Variants in ROBO2 observed in about 807,000 individuals in gnomAD.
ROBO2 encodes roundabout guidance receptor 2.
In ROBO2, 53 loss-of-function variants were observed where a neutral mutation model predicts 160.8. The ratio of observed to expected loss-of-function variants is 0.33; its 90% CI spans 0.26 to 0.41. The LOEUF is 0.41. Among genes scored for constraint, ROBO2 ranks in the 10% least tolerant of loss-of-function variants. ROBO2 has a pLI of 1.00. For missense variants in ROBO2, 1,577 were observed against 1,722.4 expected (o/e 0.92, Z 1.49); for synonymous variants, 664 against 611.7 (o/e 1.09, Z -1.26).
chr3:75,981,871 A>ATT (rs141629118), intron 2 of ROBO2, among the ~76,000 whole-genome samples: 4 of 149,452 alleles, frequency 2.7e-5, no homozygotes, highest in Admixed American at 7.2e-5. Flanking sequence ...TATTCATTCT[A>ATT]TTTTTTTTAC....
chr3:76,712,772 C>T (rs948060314), intron 2 of ROBO2, among the ~76,000 whole-genome samples: 5 of 152,102 alleles, frequency 3.3e-5, no homozygotes, highest in African/African-American at 7.2e-5. Flanking sequence ...AAATCATTTT[C>T]GCCAGCAAAC....
At chr3:76,865,646 A>C (rs2071291676) in intron 2 of ROBO2, among the ~76,000 whole-genome samples, 1 of 152,132 alleles carries the variant, frequency 6.6e-6, no homozygotes, top group Non-Finnish European at 1.5e-5. Flanking sequence ...ATTCCAGATT[A>C]CCAAATAAAT....
At chr3:77,199,555 A>T (rs2082620560) in intron 2 of ROBO2, among the ~76,000 whole-genome samples, 1 of 151,322 alleles carries the variant, frequency 6.6e-6, no homozygotes, top group Non-Finnish European at 1.5e-5. Context: ...TCTTTAGCTG[A>T]TTCATCTATT....
At chr3:76,024,492 G>C (rs1275015508) in intron 2 of ROBO2, among the ~76,000 whole-genome samples, 1 of 151,320 alleles carries the variant, frequency 6.6e-6, no homozygotes, top group Admixed American at 6.6e-5. Context: ...CAAATACTTA[G>C]TTTAGTGTTA....
At chr3:77,487,897 G>A (rs1024977418) in intron 4 of ROBO2, among the ~76,000 whole-genome samples, 2 of 152,120 alleles carry the variant, frequency 1.3e-5, no homozygotes, top group African/African-American at 2.4e-5. Flanking sequence ...CACAGTGATT[G>A]ACAATTTTAA....
intron 2 of ROBO2, among the ~76,000 whole-genome samples, chr3:76,709,732 A>G (rs572533627): frequency 6.6e-6 from 1 of 152,338 alleles, no homozygotes; most frequent in South Asian, 2.1e-4. Context: ...AGCCAGGGTA[A>G]TTAGTTTTCA....
intron 2 of ROBO2, among the ~76,000 whole-genome samples, chr3:76,413,174 C>T (rs2075584461): frequency 6.6e-6 from 1 of 152,202 alleles, no homozygotes; most frequent in South Asian, 2.1e-4. Flanking sequence ...GCACACAGCA[C>T]AGGAGCCCTG....
intron 2 of ROBO2, among the ~76,000 whole-genome samples, chr3:76,171,668 C>G (rs35161231): frequency 0.32 from 49,197 of 151,520 alleles, 8,417 homozygotes; most frequent in Non-Finnish European, 0.37. Flanking sequence ...GGTGCACATG[C>G]GTAAGACCCA....
At chr3:76,527,452 T>C (rs1279816916) in intron 2 of ROBO2, among the ~76,000 whole-genome samples, 2 of 152,260 alleles carry the variant, frequency 1.3e-5, no homozygotes, top group East Asian at 1.9e-4. Flanking sequence ...TATCTGAGCA[T>C]ATTTAATTCT....
chr3:76,978,495 T>C (rs2059919035), intron 2 of ROBO2, among the ~76,000 whole-genome samples: 1 of 152,140 alleles, frequency 6.6e-6, no homozygotes, highest in African/African-American at 2.4e-5. Context: ...ATGCGATGGA[T>C]TCTTCTAAAT....
chr3:76,119,901 CTTCCT>C lies in ROBO2; in HGVS notation c.109+182301_109+182305del, dbSNP rs1559566526. Among the ~76,000 whole-genome samples, 620 of 108,290 alleles carry C rather than the reference CTTCCT, an allele frequency of 5.7e-3. 14 individuals carry two copies. Among genetic ancestry groups the C allele is most frequent in the Admixed American group, 0.029 (315 of 10,902 alleles). The allele number at this position is 108,290 out of a possible 152,430, so 71.0% of individuals were successfully genotyped here. ...CCCTTCCTTCCCTTCCCTTCCTTCCCTTCCTTCCCTCCCTCCCTTCCTTCCTTCCT... is the reference window on the plus strand; with the variant it reads ...CCCTTCCTTCCCTTCCCTTCCTTCCCTCCCTCCCTCCCTTCCTTCCTTCCT... On this transcript the variant is annotated intron_variant, in intron 2 of 26. Coordinates refer to the ROBO2 transcript ENST00000487694.
chr3:76,311,672 G>A (rs1199779621), intron 2 of ROBO2, among the ~76,000 whole-genome samples: 3 of 152,202 alleles, frequency 2.0e-5, no homozygotes, highest in Non-Finnish European at 4.4e-5. Context: ...GACTGTAAGA[G>A]CAGATGCATG....
chr3:76,392,301 G>GT (rs1285405255), intron 2 of ROBO2, among the ~76,000 whole-genome samples: 1 of 152,022 alleles, frequency 6.6e-6, no homozygotes, highest in Non-Finnish European at 1.5e-5. Context: ...TGTTTTCAGT[G>GT]TTTTTTACAG....
chr3:76,408,691 A>G (rs1228719972), intron 2 of ROBO2, among the ~76,000 whole-genome samples: 1 of 152,130 alleles, frequency 6.6e-6, no homozygotes, highest in Non-Finnish European at 1.5e-5. Context: ...ATAAAACAGT[A>G]TGGCAGAGAG....
At position 76,604,858 on chromosome 3, in the gene ROBO2, A is replaced by G. The variant is rs547154286; in HGVS notation, c.110-493156A>G. Among the ~76,000 whole-genome samples, 3 of 152,306 alleles carry G rather than the reference A, an allele frequency of 2.0e-5. No homozygotes were observed. In the South Asian group the frequency reaches 6.2e-4, roughly 32 times the overall value. On this transcript the variant is annotated intron_variant, in intron 2 of 26. Coordinates refer to the ROBO2 transcript ENST00000487694. Reference sequence around the variant, plus strand: ...TTACATTTTGGAAAGCCCTTGACCAAGAAGCTCAACTTTATCTCTAGGAAA... The same window carrying G: ...TTACATTTTGGAAAGCCCTTGACCAGGAAGCTCAACTTTATCTCTAGGAAA...
intron 2 of ROBO2, among the ~76,000 whole-genome samples, chr3:76,720,565 C>T (rs940426042): frequency 1.5e-4 from 23 of 152,194 alleles, no homozygotes; most frequent in Admixed American, 2.6e-4. Flanking sequence ...GATTTACATA[C>T]TTTGCAAGTT....
intron 2 of ROBO2, among the ~76,000 whole-genome samples, chr3:77,302,582 T>G (rs558010278): frequency 1.3e-5 from 2 of 152,324 alleles, no homozygotes; most frequent in Non-Finnish European, 2.9e-5. Context: ...GTTATACTGA[T>G]GTGGACACCA....
At chr3:77,499,228 G>C (rs1217434892) in intron 5 of ROBO2, among the ~76,000 whole-genome samples, 1 of 152,140 alleles carries the variant, frequency 6.6e-6, no homozygotes, top group Non-Finnish European at 1.5e-5. Flanking sequence ...AATGATAGTT[G>C]ACAAATTTCT....
At position 76,037,361 on chromosome 3, in the gene ROBO2, G is replaced by A. The variant is rs766042059; in HGVS notation, c.109+99759G>A. ...CAACCTCCGCCTCCTGGCTTCAAGC[G>A]ATTCTGCTGCCTCAGCCTCCCAAGC... On this transcript the variant is annotated intron_variant, in intron 2 of 26. Transcript: ENST00000487694. Among the ~76,000 whole-genome samples, 167 of 150,698 alleles carry A rather than the reference G, an allele frequency of 1.1e-3. 4 individuals carry two copies. Among genetic ancestry groups the A allele is most frequent in the Middle Eastern group, 3.4e-3 (1 of 294 alleles).
Sources: gnomAD v4.1 joint callset for allele counts (sites outside exome capture counted in the v4.1 genomes callset) on GRCh38, gnomAD v4.1.1 for gene constraint, MANE v1.5 for transcripts, NCBI Gene and HGNC (gene_info 2026-07-23, HGNC 2026-07-21) for gene names.